Variants in NTRK2 observed in about 807,000 individuals in gnomAD.
NTRK2 encodes the protein BDNF/NT-3 growth factors receptor.
In NTRK2, 13 loss-of-function variants were observed where a neutral mutation model predicts 94.5. That is an observed-to-expected ratio of 0.14 (90% CI 0.09 to 0.22). The LOEUF is 0.22. NTRK2 is among the 10% of genes least tolerant of loss of function. The pLI, the probability that NTRK2 is intolerant of heterozygous loss-of-function variation, is 1.00. For synonymous variants in NTRK2, 372 were observed against 407.4 expected, an observed-to-expected ratio of 0.91 and a Z score of 1.05; for missense variants, 639 against 1,071.2, an observed-to-expected ratio of 0.60 and a Z score of 5.63.
chr9:84,918,331 T>C (rs1044584962), intron 14 of NTRK2, among the ~76,000 whole-genome samples: 1 of 152,238 alleles, frequency 6.6e-6, no homozygotes, highest in Non-Finnish European at 1.5e-5. Context: ...CCCTGTCCTT[T>C]GCTCCACAAT....
At chr9:84,771,195 G>A (rs1299763672) in intron 12 of NTRK2, among the ~76,000 whole-genome samples, 1 of 152,198 alleles carries the variant, frequency 6.6e-6, no homozygotes, top group Admixed American at 6.5e-5. Flanking sequence ...TTCAGCAGGT[G>A]ACAACGGGAC....
At chr9:84,789,320 C>T (rs2068475280) in intron 12 of NTRK2, among the ~76,000 whole-genome samples, 1 of 152,124 alleles carries the variant, frequency 6.6e-6, no homozygotes, top group Non-Finnish European at 1.5e-5. Flanking sequence ...CAGCCAGAAG[C>T]CTCGGTGAGG....
Position 84,799,353 on chromosome 9 carries a change from A to G in NTRK2, c.1396+47268A>G, listed in dbSNP as rs191558567. On this transcript the variant is annotated intron_variant, in intron 12 of 18. Coordinates refer to ENST00000277120, the MANE Select transcript of NTRK2 (RefSeq NM_006180.6). ...GGCAATGCAGGTTGGAAACTGGGTC[A>G]TTTTTCTGAAATCATCTTTCTTTGC... is the stretch of plus-strand genomic sequence containing the variant. Among the ~76,000 whole-genome samples the G allele has an allele frequency of 2.2e-4, 33 of 152,208 alleles. No homozygotes were observed. The East Asian group carries it at 6.2e-3, about 29-fold the overall frequency.
chr9:85,011,012 A>T (rs1390966476), intron 17 of NTRK2, among the ~76,000 whole-genome samples: 3 of 152,138 alleles, frequency 2.0e-5, no homozygotes, highest in Non-Finnish European at 2.9e-5. Context: ...AGGGAGTGTC[A>T]GGGTCTCCTC....
At chr9:84,750,741 A>G (rs1012988381) in intron 11 of NTRK2, among the ~76,000 whole-genome samples, 6 of 152,210 alleles carry the variant, frequency 3.9e-5, no homozygotes, top group African/African-American at 1.4e-4. Flanking sequence ...AAAGTTTGCC[A>G]ACTCCTGGTT....
chr9:84,941,273 A>T (rs1324882072), intron 15 of NTRK2, among the ~76,000 whole-genome samples: 1 of 152,228 alleles, frequency 6.6e-6, no homozygotes, highest in Non-Finnish European at 1.5e-5. Flanking sequence ...GCACTGTAAG[A>T]TAGAGAGTTA....
At chr9:84,728,297 A>C (rs2062604778) in intron 9 of NTRK2, among the ~76,000 whole-genome samples, 1 of 152,180 alleles carries the variant, frequency 6.6e-6, no homozygotes, top group Non-Finnish European at 1.5e-5. Flanking sequence ...TGGCCAAAGC[A>C]AGTCACAGGG....
intron 9 of NTRK2, among the ~76,000 whole-genome samples, chr9:84,737,875 T>A (rs2063368589): frequency 6.6e-6 from 1 of 151,534 alleles, no homozygotes; most frequent in African/African-American, 2.4e-5. Context: ...CGGTAATTCT[T>A]GACAACATTC....
intron 12 of NTRK2, among the ~76,000 whole-genome samples, chr9:84,817,109 G>T (rs1377591440): frequency 1.3e-5 from 2 of 152,170 alleles, no homozygotes; most frequent in Admixed American, 6.5e-5. Flanking sequence ...GATGGCTCAG[G>T]TAAAGCCCTT....
chr9:84,954,913 T>G (rs900358598), intron 16 of NTRK2, among the ~76,000 whole-genome samples: 1 of 152,174 alleles, frequency 6.6e-6, no homozygotes, highest in Non-Finnish European at 1.5e-5. Flanking sequence ...TTGTCTTCCT[T>G]CACCTACCTG....
intron 14 of NTRK2, chr9:84,877,368 T>G: frequency 1.9e-6 from 2 of 1,066,186 alleles, no homozygotes; most frequent in Non-Finnish European, 2.3e-6. Flanking sequence ...GTTGGGGGAT[T>G]AGTTCATATG....
chr9:84,853,616 A>G (rs1300815240), intron 12 of NTRK2, among the ~76,000 whole-genome samples: 3 of 152,162 alleles, frequency 2.0e-5, no homozygotes, highest in Admixed American at 1.3e-4. Context: ...CATCCATTCC[A>G]CAAGTGTTTA....
At chr9:85,011,842 C>T (rs1831607368) in intron 17 of NTRK2, among the ~76,000 whole-genome samples, 1 of 152,272 alleles carries the variant, frequency 6.6e-6, no homozygotes, top group Non-Finnish European at 1.5e-5. Flanking sequence ...TACTCTCTAC[C>T]TCCTAGCTGT....
intron 14 of NTRK2, among the ~76,000 whole-genome samples, chr9:84,915,943 A>G (rs992033544): frequency 6.6e-6 from 1 of 152,104 alleles, no homozygotes; most frequent in Non-Finnish European, 1.5e-5. Flanking sequence ...TGAAGGAGGC[A>G]TTTGACTTTG....
chr9:84,984,457 G>A (rs548750712), intron 17 of NTRK2, among the ~76,000 whole-genome samples: 17 of 151,600 alleles, frequency 1.1e-4, no homozygotes, highest in Admixed American at 9.9e-4. Flanking sequence ...GGGCGACAGA[G>A]CGAGACTATA....
Position 84,712,609 on chromosome 9 carries a change from G to A in NTRK2, c.583+1818G>A, listed in dbSNP as rs567353528. On this transcript the variant is annotated intron_variant, in intron 6 of 18. Coordinates refer to ENST00000277120, the MANE Select transcript of NTRK2 (RefSeq NM_006180.6). ...AATCGACAGACTTATTTTTCCTATC[G>A]TTTTTGTGTTCTTAACTGTTTTGTT... is the stretch of plus-strand genomic sequence containing the variant. Among the ~76,000 whole-genome samples, 299 of 152,116 alleles carry A rather than the reference G, an allele frequency of 2.0e-3. 1 individual carries two copies. Among genetic ancestry groups the A allele is most frequent in the Admixed American group, 4.3e-3 (66 of 15,268 alleles).
chr9:84,698,846 G>A (rs919464708), intron 2 of NTRK2, among the ~76,000 whole-genome samples: 15 of 152,106 alleles, frequency 9.9e-5, no homozygotes, highest in African/African-American at 3.4e-4. Context: ...TGAATTCCCT[G>A]TTATTCACCT....
chr9:84,710,312 T>G (rs1029266552), intron 5 of NTRK2, among the ~76,000 whole-genome samples: 3 of 152,192 alleles, frequency 2.0e-5, no homozygotes, highest in Non-Finnish European at 4.4e-5. Context: ...ATAATAACCA[T>G]GATAAATTTG....
intron 15 of NTRK2, among the ~76,000 whole-genome samples, chr9:84,938,863 C>T (rs2078298881): frequency 6.6e-6 from 1 of 151,786 alleles, no homozygotes; most frequent in South Asian, 2.1e-4. Flanking sequence ...CCAGCCTGGG[C>T]AACATGATGA....
Sources: gnomAD v4.1 joint callset for allele counts (sites outside exome capture counted in the v4.1 genomes callset) on GRCh38, gnomAD v4.1.1 for gene constraint, MANE v1.5 for transcripts, NCBI Gene and HGNC (gene_info 2026-07-23, HGNC 2026-07-21) for gene names.